The following SMS variants were observed in gnomAD, a reference collection of about 807,000 sequenced individuals.
The protein encoded by SMS is spermine synthase, also known as spermidine aminopropyltransferase.
SMS carries 3 observed loss-of-function variants against 33.0 expected under a neutral mutation model. The observed-to-expected ratio is 0.09, with a 90% CI of 0.04 to 0.23. The LOEUF (loss-of-function observed/expected upper bound fraction) is 0.23, where lower values mean the gene tolerates loss of function less well. SMS is among the 10% of genes least tolerant of loss of function. SMS has a pLI of 1.00. For synonymous variants in SMS, 103 were observed against 112.2 expected (o/e 0.92, Z 0.52); for missense variants, 117 against 288.6 (o/e 0.41, Z 4.31).
intron 2 of SMS, 59 bp from the exon 3 acceptor site, chrX:21,971,833 TCTCTC>T (rs1413473116): frequency 1.1e-5 from 8 of 750,324 alleles, no homozygotes; most frequent in Non-Finnish European, 1.3e-5. Context: ...TCTCTCTCTC[TCTCTC>T]TTTTTTTTTT....
At chrX:21,973,018 A>C (rs750617230) in intron 4 of SMS, among the ~76,000 whole-genome samples, 1 of 111,260 alleles carries the variant, frequency 9.0e-6, no homozygotes, top group South Asian at 3.8e-4. Flanking sequence ...CCTTCTGGCA[A>C]CATGGTGAAC....
At chrX:21,964,333 C>T (rs940629348) in intron 1 of SMS, among the ~76,000 whole-genome samples, 2 of 111,076 alleles carry the variant, frequency 1.8e-5, no homozygotes, top group African/African-American at 6.6e-5. Context: ...TAGTTTCTCC[C>T]TGATGTGGGA....
intron 10 of SMS, among the ~76,000 whole-genome samples, chrX:21,993,051 G>A (rs1427730618): frequency 9.0e-6 from 1 of 111,696 alleles, no homozygotes; most frequent in African/African-American, 3.3e-5. Context: ...ACATTCTCAA[G>A]CCCCACCCCA....
chrX:21,952,936 A>AT (rs749608614), intron 1 of SMS, among the ~76,000 whole-genome samples: 11 of 98,868 alleles, frequency 1.1e-4, no homozygotes, highest in Non-Finnish European at 1.2e-4. Flanking sequence ...TAATTTTCGT[A>AT]TTTTTTTTTA....
intron 3 of SMS, 95 bp downstream of exon 3, chrX:21,972,085 A>T: frequency 1.6e-6 from 1 of 634,576 alleles, no homozygotes; most frequent in Non-Finnish European, 2.6e-6. Context: ...CTTACTTTCC[A>T]GTTAATTTTA....
At chrX:21,959,473 TC>T (rs1569344497) in intron 1 of SMS, among the ~76,000 whole-genome samples, 2 of 111,622 alleles carry the variant, frequency 1.8e-5, no homozygotes, top group Admixed American at 1.9e-4. Context: ...GCGCTCTTTG[TC>T]ATTCTTTTCA....
chrX:21,948,122 A>G (rs1922360070), intron 1 of SMS, among the ~76,000 whole-genome samples: 1 of 111,819 alleles, frequency 8.9e-6, no homozygotes, highest in East Asian at 2.8e-4. Flanking sequence ...GCTTGCCATT[A>G]AAAAATTGAG....
intron 1 of SMS, among the ~76,000 whole-genome samples, chrX:21,952,338 C>T (rs1185871968): frequency 9.1e-6 from 1 of 109,630 alleles, no homozygotes; most frequent in African/African-American, 3.3e-5. Flanking sequence ...TGGATTTTGT[C>T]AGGTTCTTTT....
intron 7 of SMS, among the ~76,000 whole-genome samples, chrX:21,980,429 A>ATATATATATATAT (rs1556001657): frequency 1.6e-5 from 1 of 63,039 alleles, no homozygotes; most frequent in Non-Finnish European, 3.1e-5. Context: ...AAAAAAAAAA[A>ATATATATATATAT]ATATATATAT....
At chrX:21,975,529 G>C (rs1268449227) in intron 4 of SMS, among the ~76,000 whole-genome samples, 1 of 110,973 alleles carries the variant, frequency 9.0e-6, no homozygotes, top group Non-Finnish European at 1.9e-5. Context: ...CAATGCCATG[G>C]GTGGCTCACT....
chrX:21,955,332 G>A (rs1922902911), intron 1 of SMS, among the ~76,000 whole-genome samples: 1 of 112,213 alleles, frequency 8.9e-6, no homozygotes, highest in Non-Finnish European at 1.9e-5. Flanking sequence ...TCTGGACGGA[G>A]CTAAAGGAAA....
chrX:21,953,995 T>A (rs1922804191), intron 1 of SMS, among the ~76,000 whole-genome samples: 1 of 110,353 alleles, frequency 9.1e-6, no homozygotes, highest in Non-Finnish European at 1.9e-5. Flanking sequence ...GATTTTAAAG[T>A]GGAATTCGGT....
At chrX:21,947,050 C>A (rs919914020) in intron 1 of SMS, among the ~76,000 whole-genome samples, 3 of 111,911 alleles carry the variant, frequency 2.7e-5, no homozygotes, top group Non-Finnish European at 5.6e-5. Context: ...AGCTCCCACG[C>A]TCCCCTGTAT....
intron 6 of SMS, 127 bp downstream of exon 6, chrX:21,978,241 A>G (rs1924665791): frequency 1.6e-6 from 1 of 632,632 alleles, no homozygotes; most frequent in Admixed American, 2.4e-5. Flanking sequence ...TGCCTTGAAC[A>G]GACAATTTAG....
At chrX:21,945,123 C>A (rs1408896735) in intron 1 of SMS, among the ~76,000 whole-genome samples, 6 of 111,767 alleles carry the variant, frequency 5.4e-5, no homozygotes, top group Non-Finnish European at 1.1e-4. Flanking sequence ...CTGGGCTGGG[C>A]GTATCTTTTG....
chrX:21,956,689 C>T (rs953600439), intron 1 of SMS, among the ~76,000 whole-genome samples: 3 of 111,008 alleles, frequency 2.7e-5, no homozygotes, highest in South Asian at 3.8e-4. Flanking sequence ...AGGCTGGTCT[C>T]GAACTCCTGA....
intron 1 of SMS, among the ~76,000 whole-genome samples, chrX:21,944,522 CAAAAAAAAAA>C (rs777680386): frequency 2.9e-5 from 1 of 34,723 alleles, no homozygotes; most frequent in Non-Finnish European, 4.9e-5. Flanking sequence ...CCTGTCTCTA[CAAAAAAAAAA>C]AAAAAAAAAA....
chrX:21,944,880 G>A (rs1157405656), intron 1 of SMS, among the ~76,000 whole-genome samples: 1 of 111,801 alleles, frequency 8.9e-6, no homozygotes, highest in Non-Finnish European at 1.9e-5. Flanking sequence ...TCTGGAGGCT[G>A]AGGCAAGAGA....
At chrX:21,967,068 ATTTAT>A in intron 1 of SMS, 123 bp from the exon 2 acceptor site, 1 of 264,127 alleles carries the variant, frequency 3.8e-6, no homozygotes, top group Non-Finnish European at 5.4e-6. Context: ...TTATTTATTT[ATTTAT>A]TTATTTATTT....
Sources: gnomAD v4.1 joint callset for allele counts (sites outside exome capture counted in the v4.1 genomes callset) on GRCh38, gnomAD v4.1.1 for gene constraint, MANE v1.5 for transcripts, NCBI Gene and HGNC (gene_info 2026-07-23, HGNC 2026-07-21) for gene names.